Variants in SPAG16 observed in about 807,000 individuals in gnomAD.
SPAG16 encodes sperm associated antigen 16.
Under a neutral mutation model 80.4 loss-of-function variants are expected in SPAG16, and 86 were observed. That is an observed-to-expected ratio of 1.07 (90% CI 0.90 to 1.28). The LOEUF is 1.28. Among genes scored for constraint, SPAG16 ranks in the 50% most tolerant of loss-of-function variants. SPAG16 has a pLI of 0.00. For missense variants in SPAG16, 870 were observed against 765.3 expected (o/e 1.14, Z -1.61); for synonymous variants, 294 against 265.9 (o/e 1.11, Z -1.03).
At chr2:214,314,186 CT>C (rs1695522936) in intron 15 of SPAG16, among the ~76,000 whole-genome samples, 2 of 152,072 alleles carry the variant, frequency 1.3e-5, no homozygotes, top group Non-Finnish European at 2.9e-5. Flanking sequence ...TTGAGTTATA[CT>C]TTCTTAGAAA....
intron 10 of SPAG16, among the ~76,000 whole-genome samples, chr2:213,652,956 T>C (rs1397066697): frequency 1.3e-5 from 2 of 152,198 alleles, no homozygotes; most frequent in East Asian, 3.8e-4. Flanking sequence ...GTGTTTCTTC[T>C]AAAAGTTTTA....
chr2:214,276,515 G>A (rs1692471951), intron 15 of SPAG16, among the ~76,000 whole-genome samples: 2 of 152,150 alleles, frequency 1.3e-5, no homozygotes, highest in South Asian at 4.1e-4. Context: ...CTCAGCATTT[G>A]CTTCTCTGTA....
intron 10 of SPAG16, among the ~76,000 whole-genome samples, chr2:213,574,278 C>G (rs1020746842): frequency 2.6e-5 from 4 of 152,106 alleles, no homozygotes; most frequent in Non-Finnish European, 5.9e-5. Flanking sequence ...CTTTCCATGA[C>G]TGTTTTCTTG....
At chr2:214,187,904 C>T (rs1271100613) in intron 15 of SPAG16, among the ~76,000 whole-genome samples, 1 of 152,058 alleles carries the variant, frequency 6.6e-6, no homozygotes, top group Non-Finnish European at 1.5e-5. Context: ...CTAGCCATAC[C>T]TCTTCTCCTT....
At chr2:213,475,968 G>T (rs1159198095) in intron 9 of SPAG16, among the ~76,000 whole-genome samples, 2 of 152,186 alleles carry the variant, frequency 1.3e-5, no homozygotes, top group African/African-American at 4.8e-5. Flanking sequence ...GAGGAGGGAA[G>T]GTCCCTGGGG....
chr2:214,381,663 C>A (rs2126108969), intron 15 of SPAG16, among the ~76,000 whole-genome samples: 1 of 152,306 alleles, frequency 6.6e-6, no homozygotes, highest in East Asian at 1.9e-4. Context: ...AGGTGAAGAG[C>A]AACATCACTA....
At chr2:213,626,641 A>AGTTTTTTTTTTTTTTTTTTTTTT (rs1213389671) in intron 10 of SPAG16, among the ~76,000 whole-genome samples, 1 of 98,980 alleles carries the variant, frequency 1.0e-5, no homozygotes, top group African/African-American at 3.9e-5. Flanking sequence ...ATCGGGCTCA[A>AGTTTTTTTTTTTTTTTTTTTTTT]TTTTTTTTTT....
At chr2:213,294,622 T>C (rs149377154) in intron 1 of SPAG16, among the ~76,000 whole-genome samples, 2 of 152,306 alleles carry the variant, frequency 1.3e-5, no homozygotes, top group East Asian at 3.9e-4. Flanking sequence ...ACTGACCTTT[T>C]GACAGATACC....
intron 9 of SPAG16, among the ~76,000 whole-genome samples, chr2:213,434,154 A>G (rs1053304573): frequency 1.3e-5 from 2 of 152,004 alleles, no homozygotes; most frequent in Non-Finnish European, 2.9e-5. Flanking sequence ...TCCTGACCTC[A>G]GGTGATCCAC....
At chr2:214,365,255 C>T (rs1014338858) in intron 15 of SPAG16, among the ~76,000 whole-genome samples, 7 of 152,158 alleles carry the variant, frequency 4.6e-5, no homozygotes, top group African/African-American at 9.7e-5. Context: ...TGAATCTGAA[C>T]GTGAATATCA....
At chr2:213,799,905 G>A (rs1214814696) in intron 10 of SPAG16, among the ~76,000 whole-genome samples, 4 of 149,086 alleles carry the variant, frequency 2.7e-5, no homozygotes, top group East Asian at 2.0e-4. Flanking sequence ...ATAGTGCTGC[G>A]ATAAACATGC....
intron 10 of SPAG16, among the ~76,000 whole-genome samples, chr2:213,589,614 T>C (rs1193610644): frequency 1.3e-5 from 2 of 152,078 alleles, no homozygotes; most frequent in Non-Finnish European, 2.9e-5. Flanking sequence ...CCACCGCAGC[T>C]TCACCCTTCC....
chr2:213,352,170 TTA>T (rs2065368736), intron 7 of SPAG16, among the ~76,000 whole-genome samples: 1 of 151,820 alleles, frequency 6.6e-6, no homozygotes. Context: ...TTTTTTTTTT[TTA>T]ATATATTTTT....
chr2:214,349,900 T>A (rs571227070), intron 15 of SPAG16, among the ~76,000 whole-genome samples: 1 of 152,344 alleles, frequency 6.6e-6, no homozygotes, highest in Admixed American at 6.5e-5. Context: ...TGCACCAATA[T>A]TTTACTTACT....
intron 10 of SPAG16, among the ~76,000 whole-genome samples, chr2:213,720,267 A>G (rs1191829817): frequency 6.6e-6 from 1 of 152,098 alleles, no homozygotes; most frequent in Admixed American, 6.5e-5. Context: ...GCAAACCATC[A>G]TGGCACGTGT....
rs2044153011 is a variant in SPAG16, at chr2:213,956,567, C to A, written c.1400+26422C>A. ...GATTCAAGCGATTCTCCTGCCTCAG[C>A]CTCCCGAGTAACTGGGATTACAGGT... On this transcript the variant is annotated intron_variant, in intron 12 of 15. Transcript: ENST00000331683. Among the ~76,000 whole-genome samples, 3 of 151,144 alleles carry A rather than the reference C, an allele frequency of 2.0e-5. No homozygotes were observed. The South Asian group carries it at 6.3e-4, about 32-fold the overall frequency.
intron 10 of SPAG16, among the ~76,000 whole-genome samples, chr2:213,748,381 A>G (rs1047792905): frequency 1.3e-5 from 2 of 152,106 alleles, no homozygotes; most frequent in Admixed American, 6.5e-5. Context: ...GAGTATATAC[A>G]TGTCTTTAAA....
chr2:214,261,301 A>G (rs892934790), intron 15 of SPAG16, among the ~76,000 whole-genome samples: 3 of 151,918 alleles, frequency 2.0e-5, no homozygotes, highest in Non-Finnish European at 4.4e-5. Flanking sequence ...ACAGAGAGCT[A>G]GGCTTCAGAA....
chr2:213,291,979 A>C (rs1018070896), intron 1 of SPAG16, among the ~76,000 whole-genome samples: 1 of 152,204 alleles, frequency 6.6e-6, no homozygotes, highest in African/African-American at 2.4e-5. Context: ...TGATTGTGGG[A>C]AAGTAATACA....
Sources: allele counts gnomAD v4.1 joint callset (sites outside exome capture counted in the v4.1 genomes callset), GRCh38; gene constraint gnomAD v4.1.1; transcripts MANE v1.5; gene names NCBI Gene and HGNC (gene_info 2026-07-23, HGNC 2026-07-21).